Variants in EGLN3 observed in about 807,000 individuals in gnomAD.
EGLN3 encodes the protein prolyl hydroxylase EGLN3.
In EGLN3, 15 loss-of-function variants were observed where a neutral mutation model predicts 26.0. The observed-to-expected ratio is 0.58, with a 90% CI of 0.39 to 0.89. The LOEUF is 0.89. EGLN3 is among the 40% of genes least tolerant of loss of function. The pLI is 0.00. For missense variants in EGLN3, 238 were observed against 311.6 expected, an observed-to-expected ratio of 0.76 and a Z score of 1.78; for synonymous variants, 147 against 127.2, an observed-to-expected ratio of 1.16 and a Z score of -1.05.
intron 1 of EGLN3, among the ~76,000 whole-genome samples, chr14:33,931,789 C>T (rs747983194): frequency 5.3e-5 from 8 of 152,222 alleles, no homozygotes; most frequent in Non-Finnish European, 1.2e-4. Flanking sequence ...CGCACCCTAA[C>T]TTGTTAACAC....
intron 1 of EGLN3, among the ~76,000 whole-genome samples, chr14:33,944,967 G>A (rs1223146147): frequency 1.3e-5 from 2 of 152,126 alleles, no homozygotes; most frequent in African/African-American, 2.4e-5. Flanking sequence ...TGCCTTTTTT[G>A]TTTCCAAATG....
chr14:33,950,272 C>T (rs1389208310), intron 1 of EGLN3, 124 bp downstream of exon 1: 3 of 938,412 alleles, frequency 3.2e-6, no homozygotes, highest in Non-Finnish European at 5.1e-6. Flanking sequence ...AGAGACAAAC[C>T]AGGCTGACTT....
intron 1 of EGLN3, among the ~76,000 whole-genome samples, chr14:33,939,517 T>TCAG (rs968011447): frequency 5.9e-5 from 9 of 151,672 alleles, no homozygotes; most frequent in African/African-American, 1.9e-4. Context: ...GCCGAAACAA[T>TCAG]CTTAAAACAG....
At chr14:33,942,211 A>T (rs992528850) in intron 1 of EGLN3, among the ~76,000 whole-genome samples, 1 of 152,274 alleles carries the variant, frequency 6.6e-6, no homozygotes, top group East Asian at 1.9e-4. Flanking sequence ...AAGTTACTTT[A>T]AAAAACTTCC....
intron 3 of EGLN3, among the ~76,000 whole-genome samples, chr14:33,927,778 C>T (rs1189796847): frequency 1.3e-5 from 2 of 152,150 alleles, no homozygotes; most frequent in Non-Finnish European, 2.9e-5. Context: ...TGAAAAACGA[C>T]TTATGTAAAT....
chr14:33,932,796 C>T (rs2064413741), intron 1 of EGLN3, among the ~76,000 whole-genome samples: 1 of 152,148 alleles, frequency 6.6e-6, no homozygotes, highest in Non-Finnish European at 1.5e-5. Context: ...GATGGTACCA[C>T]TAAGCAAAGC....
At chr14:33,950,238 G>A in intron 1 of EGLN3, 158 bp downstream of exon 1, 1 of 709,208 alleles carries the variant, frequency 1.4e-6, no homozygotes, top group Non-Finnish European at 2.5e-6. Flanking sequence ...GAGCTGGGGC[G>A]AGGGGTGGGG....
chr14:33,941,561 A>C (rs2064483565), intron 1 of EGLN3, among the ~76,000 whole-genome samples: 1 of 101,794 alleles, frequency 9.8e-6, no homozygotes, highest in Non-Finnish European at 2.2e-5. Context: ...ATCCCCCCCA[A>C]AAAAAATTCT....
chr14:33,926,962 G>T lies in EGLN3; in HGVS notation c.686C>A (p.Thr229Asn), dbSNP rs1173728444. The T allele has an allele frequency of 6.2e-7, 1 of 1,602,552 alleles. No homozygotes were observed. Among genetic ancestry groups the T allele is most frequent in the African/African-American group, 1.3e-5 (1 of 74,500 alleles). The change falls in exon 4 of 5, where the codon ACT becomes AAT. Residue 229 changes from threonine (T) to asparagine (N), a missense_variant and splice_region_variant. Thr to Asn is a moderately conservative substitution (Grantham distance 65). Transcript: ENST00000250457. The part of the protein sequence containing the change: ...AEAKKKFRNL[T>N]RKTESALTED ...ACAGAAAATTATCAAACACATACTAGTTAAATTCCTGAATTTCTTTTTGGC... is the reference window on the plus strand; with the variant it reads ...ACAGAAAATTATCAAACACATACTATTTAAATTCCTGAATTTCTTTTTGGC...
chr14:33,950,554 C>T lies in EGLN3; in HGVS notation c.199G>A (p.Gly67Ser). The change falls in exon 1 of 5, where the codon GGC becomes AGC. Residue 67 changes from glycine (G) to serine (S), a missense_variant. By Grantham distance (56) the Gly-to-Ser change is moderately conservative. Transcript: ENST00000250457. ...CCCCGCAGGTGTCGCTTGGAGACGC[C>T]GGCGCGCGGCCCCGCCAGCTGGCCG... is the stretch of plus-strand genomic sequence containing the variant. The part of the protein sequence containing the change: ...RDGQLAGPRA[G>S]VSKRHLRGDQ... The T allele has an allele frequency of 1.2e-6, 2 of 1,612,072 alleles. No homozygotes were observed. Among genetic ancestry groups the T allele is most frequent in the Non-Finnish European group, 1.7e-6 (2 of 1,179,074 alleles).
intron 1 of EGLN3, among the ~76,000 whole-genome samples, chr14:33,939,767 C>G (rs10139331): frequency 0.1 from 15,322 of 152,200 alleles, 1,167 homozygotes; most frequent in African/African-American, 0.21. Flanking sequence ...TCCATTTTAC[C>G]GATGAGGAAA....
chr14:33,943,921 G>A lies in EGLN3; in HGVS notation c.357+6475C>T, dbSNP rs2064500109. 3.9e-5 allele frequency among the ~76,000 whole-genome samples: 6 copies of A among 152,282 alleles called. No homozygotes were observed. In the South Asian group the frequency reaches 1.2e-3, roughly 32 times the overall value. On this transcript the variant is annotated intron_variant, in intron 1 of 4. Coordinates refer to ENST00000250457, the MANE Select transcript of EGLN3 (RefSeq NM_022073.4). ...TGAGCTGAAGCAGAAAGGTTAGAAA[G>A]GGAAATCATTCATGATACTCCAAAA...
intron 1 of EGLN3, among the ~76,000 whole-genome samples, chr14:33,936,166 G>A (rs1391724609): frequency 6.6e-6 from 1 of 152,064 alleles, no homozygotes; most frequent in Non-Finnish European, 1.5e-5. Context: ...GGAAGTGGAG[G>A]TTGCAGTGAG....
At chr14:33,941,422 C>G (rs1314401557) in intron 1 of EGLN3, among the ~76,000 whole-genome samples, 3 of 151,588 alleles carry the variant, frequency 2.0e-5, no homozygotes, top group Non-Finnish European at 4.4e-5. Flanking sequence ...AAAAAAAAAA[C>G]TTACAAAGCT....
intron 1 of EGLN3, among the ~76,000 whole-genome samples, chr14:33,938,211 C>T (rs1021269967): frequency 6.6e-6 from 1 of 152,220 alleles, no homozygotes; most frequent in African/African-American, 2.4e-5. Context: ...TCCAGGAGAT[C>T]CCGCATTTCA....
intron 1 of EGLN3, among the ~76,000 whole-genome samples, chr14:33,946,058 C>T (rs567626087): frequency 5.9e-5 from 9 of 152,224 alleles, no homozygotes; most frequent in African/African-American, 2.2e-4. Context: ...CGAACAAACC[C>T]TATCAATAAA....
chr14:33,936,162 G>A (rs900666005), intron 1 of EGLN3, among the ~76,000 whole-genome samples: 3 of 152,108 alleles, frequency 2.0e-5, no homozygotes, highest in East Asian at 1.9e-4. Flanking sequence ...CCTGGGAAGT[G>A]GAGGTTGCAG....
chr14:33,938,637 TATA>T (rs1872691742), intron 1 of EGLN3, among the ~76,000 whole-genome samples: 1 of 152,310 alleles, frequency 6.6e-6, no homozygotes, highest in African/African-American at 2.4e-5. Context: ...TCCTCACAAT[TATA>T]AAATCAGCAA....
intron 1 of EGLN3, among the ~76,000 whole-genome samples, chr14:33,934,843 C>T (rs1023585439): frequency 6.6e-6 from 1 of 152,182 alleles, no homozygotes; most frequent in African/African-American, 2.4e-5. Context: ...TTTAACTCAC[C>T]AAATTAAAGT....
Sources: gnomAD v4.1 joint callset for allele counts (sites outside exome capture counted in the v4.1 genomes callset) on GRCh38, gnomAD v4.1.1 for gene constraint, MANE v1.5 for transcripts, NCBI Gene and HGNC (gene_info 2026-07-23, HGNC 2026-07-21) for gene names.